The following TSPAN5 variants were observed in gnomAD, a reference collection of about 807,000 sequenced individuals.
TSPAN5 encodes tetraspanin-5.
Under a neutral mutation model 37.1 loss-of-function variants are expected in TSPAN5, and 10 were observed. The ratio of observed to expected loss-of-function variants is 0.27; its 90% confidence interval spans 0.17 to 0.46. The LOEUF (loss-of-function observed/expected upper bound fraction) is 0.46. Among genes scored for constraint, TSPAN5 ranks in the 20% least tolerant of loss-of-function variants. TSPAN5 has a pLI of 1.00. For missense variants in TSPAN5, 195 were observed against 326.6 expected, an observed-to-expected ratio of 0.60 and a Z score of 3.11; for synonymous variants, 110 against 118.9, an observed-to-expected ratio of 0.93 and a Z score of 0.48.
At chr4:98,643,246 A>G (rs1246060106) in intron 1 of TSPAN5, among the ~76,000 whole-genome samples, 3 of 152,194 alleles carry the variant, frequency 2.0e-5, no homozygotes, top group Non-Finnish European at 4.4e-5. Context: ...AACATGCTAT[A>G]CAAGTTTGTG....
At chr4:98,557,047 T>G (rs549657426) in intron 1 of TSPAN5, among the ~76,000 whole-genome samples, 1 of 152,184 alleles carries the variant, frequency 6.6e-6, no homozygotes, top group African/African-American at 2.4e-5. Context: ...AGTTTAAACA[T>G]TGACTAAACA....
chr4:98,647,848 T>G (rs944714071), intron 1 of TSPAN5, among the ~76,000 whole-genome samples: 1 of 147,912 alleles, frequency 6.8e-6, no homozygotes, highest in Non-Finnish European at 1.5e-5. Context: ...TGGTTGGCTT[T>G]TCTGTTTTGT....
At chr4:98,617,032 C>G (rs1028613102) in intron 1 of TSPAN5, among the ~76,000 whole-genome samples, 3 of 151,966 alleles carry the variant, frequency 2.0e-5, no homozygotes, top group African/African-American at 7.3e-5. Context: ...ACCATGTTGC[C>G]CAGTCTAGTC....
chr4:98,586,698 CT>C (rs1440414678), intron 1 of TSPAN5, among the ~76,000 whole-genome samples: 2 of 152,362 alleles, frequency 1.3e-5, no homozygotes, highest in Non-Finnish European at 2.9e-5. Flanking sequence ...AAAGCAGCTT[CT>C]GTTGAGGAAT....
chr4:98,609,109 T>C (rs528124882), intron 1 of TSPAN5, among the ~76,000 whole-genome samples: 15 of 151,690 alleles, frequency 9.9e-5, no homozygotes, highest in African/African-American at 3.6e-4. Flanking sequence ...GTAACAGGAA[T>C]GGATGCAAAA....
chr4:98,536,764 C>T (rs1372198403), intron 1 of TSPAN5, among the ~76,000 whole-genome samples: 3 of 152,246 alleles, frequency 2.0e-5, no homozygotes, highest in African/African-American at 7.2e-5. Flanking sequence ...CTGCCCAGTT[C>T]GAACTTCCCA....
chr4:98,560,271 A>G (rs1470913724), intron 1 of TSPAN5: 1 of 152,250 alleles, frequency 6.6e-6, no homozygotes, highest in Non-Finnish European at 1.5e-5. Context: ...TTCAAAAGCT[A>G]AAGCAGAGCA....
intron 1 of TSPAN5, among the ~76,000 whole-genome samples, chr4:98,616,091 T>C (rs1255652449): frequency 6.6e-6 from 1 of 151,976 alleles, no homozygotes; most frequent in Non-Finnish European, 1.5e-5. Context: ...ACAAGGCCCT[T>C]CCTTCTGCTT....
chr4:98,601,960 A>ACTT (rs1373218282), intron 1 of TSPAN5, among the ~76,000 whole-genome samples: 1 of 152,186 alleles, frequency 6.6e-6, no homozygotes, highest in Non-Finnish European at 1.5e-5. Flanking sequence ...AGGAGGAGAG[A>ACTT]CAAGAATGGC....
At chr4:98,509,321 T>C (rs1350067649) in intron 1 of TSPAN5, among the ~76,000 whole-genome samples, 2 of 152,178 alleles carry the variant, frequency 1.3e-5, no homozygotes, top group Non-Finnish European at 2.9e-5. Context: ...GGCTTCACTG[T>C]TCTCAGCAGG....
chr4:98,472,305 TCACGGCGC>T lies in TSPAN5; in HGVS notation c.*209_*216del. The T allele has an allele frequency of 2.3e-6, 1 of 444,444 alleles. No individual in the cohort carries two copies. The allele number at this position is 444,444 out of a possible 1,614,324, so 27.5% of individuals were successfully genotyped here. A position where few individuals can be genotyped will look rare whatever the true frequency, so the allele number is the denominator to read the frequency against. On this transcript the variant is annotated 3_prime_UTR_variant, in exon 8 of 8. Transcript: ENST00000305798. ...ATAAATTCATGGCTACAGTAGAGAT[TCACGGCGC>T]AACGACTTTCATACTGGTTATTTTT...
intron 1 of TSPAN5, among the ~76,000 whole-genome samples, chr4:98,531,994 C>G (rs1264079444): frequency 6.6e-6 from 1 of 152,070 alleles, no homozygotes; most frequent in Non-Finnish European, 1.5e-5. Context: ...AAAATTTTCT[C>G]CCACCTTGTA....
chr4:98,642,840 G>A (rs1435568156), intron 1 of TSPAN5, among the ~76,000 whole-genome samples: 2 of 151,958 alleles, frequency 1.3e-5, no homozygotes, highest in Non-Finnish European at 2.9e-5. Context: ...ATAGACTAAG[G>A]ATATAAAGAA....
intron 1 of TSPAN5, among the ~76,000 whole-genome samples, 164 bp downstream of exon 1, chr4:98,657,980 TTA>T (rs1033457074): frequency 2.0e-5 from 3 of 152,170 alleles, no homozygotes; most frequent in Non-Finnish European, 2.9e-5. Flanking sequence ...GATTAAATGT[TTA>T]TCTCTCCAAC....
At chr4:98,609,840 C>T (rs1424067916) in intron 1 of TSPAN5, among the ~76,000 whole-genome samples, 3 of 152,080 alleles carry the variant, frequency 2.0e-5, no homozygotes, top group Admixed American at 1.3e-4. Flanking sequence ...CTGAGCCTGA[C>T]GGACAGTGAG....
At chr4:98,578,533 C>T (rs1371823392) in intron 1 of TSPAN5, among the ~76,000 whole-genome samples, 2 of 152,140 alleles carry the variant, frequency 1.3e-5, no homozygotes, top group Admixed American at 1.3e-4. Flanking sequence ...TCAAGAGATT[C>T]TCCTGTCTCA....
In TSPAN5 at chr4:98,482,187, G is replaced by T. The variant is rs767187895; in HGVS notation, c.280-12C>A. 6.2e-6 allele frequency: 10 copies of T among 1,612,886 alleles called. No individual in the cohort carries two copies. In the East Asian group the frequency reaches 2.2e-4, roughly 36 times the overall value. On this transcript the variant is annotated splice_polypyrimidine_tract_variant and intron_variant, in intron 3 of 7. Coordinates refer to ENST00000305798, the MANE Select transcript of TSPAN5 (RefSeq NM_005723.4). ...AGGAACACAGAAAACTAAGATAAAAGACACATACACAGAGAACAGTTATAA... is the reference window on the plus strand; with the variant it reads ...AGGAACACAGAAAACTAAGATAAAATACACATACACAGAGAACAGTTATAA...
At chr4:98,594,424 C>T (rs1183720750) in intron 1 of TSPAN5, among the ~76,000 whole-genome samples, 1 of 49,170 alleles carries the variant, frequency 2.0e-5, no homozygotes, top group Non-Finnish European at 3.2e-5. Flanking sequence ...AATTGAATAC[C>T]CTTTATTTCC....
At chr4:98,646,935 C>T (rs927497295) in intron 1 of TSPAN5, among the ~76,000 whole-genome samples, 3 of 152,164 alleles carry the variant, frequency 2.0e-5, no homozygotes, top group South Asian at 2.1e-4. Flanking sequence ...TATCTTAATA[C>T]TACTATTAAT....
Sources: allele counts gnomAD v4.1 joint callset (sites outside exome capture counted in the v4.1 genomes callset), GRCh38; gene constraint gnomAD v4.1.1; transcripts MANE v1.5; gene names NCBI Gene and HGNC (gene_info 2026-07-23, HGNC 2026-07-21).